Variants in PXDNL observed in about 807,000 individuals in gnomAD.
PXDNL encodes the protein probable oxidoreductase PXDNL.
In PXDNL, 145 loss-of-function variants were observed where a neutral mutation model predicts 150.8. That is an observed-to-expected ratio of 0.96 (90% CI 0.84 to 1.10). The LOEUF is 1.10. Ranked by LOEUF, PXDNL falls within the 50% of genes least tolerant of loss-of-function variation. PXDNL has a pLI of 0.00. For synonymous variants in PXDNL, 757 were observed against 725.7 expected, an observed-to-expected ratio of 1.04 and a Z score of -0.69; for missense variants, 2,087 against 1,873.9, an observed-to-expected ratio of 1.11 and a Z score of -2.10.
intron 8 of PXDNL, among the ~76,000 whole-genome samples, chr8:51,469,739 C>T (rs184925973): frequency 5.3e-4 from 81 of 152,202 alleles, no homozygotes; most frequent in Non-Finnish European, 8.8e-4. Context: ...CTATACCACA[C>T]TTTATGCTCC....
chr8:51,646,929 G>C (rs1814932440), intron 2 of PXDNL, among the ~76,000 whole-genome samples: 1 of 152,114 alleles, frequency 6.6e-6, no homozygotes, highest in South Asian at 2.1e-4. Context: ...CAGTGCAGCA[G>C]GAGTGGAGAG....
Position 51,598,108 on chromosome 8 carries a change from C to A in PXDNL, c.237-5410G>T, listed in dbSNP as rs539953198. ...TTGTATGTTTATTTTGTATCCTGAA[C>A]TTTGTTATCAGTTCCAGAAGGTTTA... On this transcript the variant is annotated intron_variant, in intron 2 of 22. Transcript: ENST00000356297. 2.0e-5 allele frequency among the ~76,000 whole-genome samples: 3 copies of A among 152,210 alleles called. No homozygotes were observed. The South Asian group carries it at 6.2e-4, about 32-fold the overall frequency.
At chr8:51,387,698 G>A (rs187998074) in intron 17 of PXDNL, among the ~76,000 whole-genome samples, 78 of 152,132 alleles carry the variant, frequency 5.1e-4, no homozygotes, top group Admixed American at 7.9e-4. Context: ...TGAATATTAC[G>A]GTAAAAAGAT....
chr8:51,602,351 T>C (rs1326083097), intron 2 of PXDNL, among the ~76,000 whole-genome samples: 2 of 152,078 alleles, frequency 1.3e-5, no homozygotes, highest in African/African-American at 4.8e-5. Context: ...TAATCCCATA[T>C]TTCTTAAAGA....
intron 3 of PXDNL, among the ~76,000 whole-genome samples, chr8:51,564,551 C>T (rs949895580): frequency 6.6e-6 from 1 of 151,256 alleles, no homozygotes; most frequent in Non-Finnish European, 1.5e-5. Context: ...ACACTGGTGC[C>T]TACTTGGACA....
At chr8:51,488,389 A>G (rs1810815388) in intron 5 of PXDNL, among the ~76,000 whole-genome samples, 1 of 152,194 alleles carries the variant, frequency 6.6e-6, no homozygotes, top group Non-Finnish European at 1.5e-5. Context: ...GTGAGATTGC[A>G]AACAAGGGTT....
intron 3 of PXDNL, among the ~76,000 whole-genome samples, chr8:51,565,187 C>T (rs1423848487): frequency 6.6e-6 from 1 of 151,546 alleles, no homozygotes; most frequent in African/African-American, 2.4e-5. Flanking sequence ...TGTGGGAGGT[C>T]GTAGCTAAAA....
chr8:51,551,424 T>C (rs199805950), intron 4 of PXDNL, among the ~76,000 whole-genome samples: 89 of 152,198 alleles, frequency 5.8e-4, no homozygotes, highest in African/African-American at 2.0e-3. Flanking sequence ...CTATAAACTA[T>C]ACTACAAGGC....
At position 51,694,370 on chromosome 8, in the gene PXDNL, CAA is replaced by C. The variant is rs35032602; in HGVS notation, c.165-39612_165-39611del. Among the ~76,000 whole-genome samples the C allele has an allele frequency of 7.1e-4, 107 of 150,110 alleles. 1 individual carries two copies. The highest frequency in any genetic ancestry group is 2.2e-3 in the African/African-American group (89 of 40,928). On this transcript the variant is annotated intron_variant, in intron 1 of 22. Transcript: ENST00000356297. ...AGAGCGAGACTCCGTCTCAAACAAA[CAA>C]AAAAAAAAAGGGTTTCACTAATAAC...
chr8:51,786,212 C>A (rs1256555839), intron 1 of PXDNL, among the ~76,000 whole-genome samples: 10 of 151,994 alleles, frequency 6.6e-5, no homozygotes, highest in Admixed American at 4.6e-4. Context: ...TTTAAGAAAA[C>A]AATTTTTTTT....
At chr8:51,444,192 T>A (rs1418749051) in intron 12 of PXDNL, among the ~76,000 whole-genome samples, 1 of 152,220 alleles carries the variant, frequency 6.6e-6, no homozygotes, top group Admixed American at 6.5e-5. Context: ...GATATACTCC[T>A]ACCATTTGGC....
chr8:51,710,830 A>T (rs1382949538), intron 1 of PXDNL, among the ~76,000 whole-genome samples: 1 of 152,242 alleles, frequency 6.6e-6, no homozygotes, highest in Non-Finnish European at 1.5e-5. Context: ...ACATCTTTTT[A>T]TAATAAAAAC....
intron 1 of PXDNL, among the ~76,000 whole-genome samples, chr8:51,768,259 GTT>G (rs35755307): frequency 4.9e-5 from 7 of 141,922 alleles, no homozygotes; most frequent in Admixed American, 2.8e-4. Flanking sequence ...TTTTATCAGT[GTT>G]TTTTTTTTTT....
chr8:51,428,282 T>G (rs1006942787), intron 12 of PXDNL, among the ~76,000 whole-genome samples: 29 of 150,904 alleles, frequency 1.9e-4, no homozygotes, highest in African/African-American at 7.1e-4. Flanking sequence ...AAGATGTCAT[T>G]TCTTTACAAA....
At chr8:51,379,198 C>T (rs1763474276) in intron 17 of PXDNL, among the ~76,000 whole-genome samples, 7 of 152,118 alleles carry the variant, frequency 4.6e-5, no homozygotes, top group Admixed American at 4.6e-4. Context: ...TTCAAACTTG[C>T]CATTGAAACT....
rs1808564799 is a variant in PXDNL, at chr8:51,409,524, G to T, written c.2100C>A (p.Leu700=). Reference sequence around the variant, plus strand: ...ATCCAGATAAATTGGCGATGAGGCTGAGGGAGCGCGGGGACACCAAGTCAT... The same window carrying T: ...ATCCAGATAAATTGGCGATGAGGCTTAGGGAGCGCGGGGACACCAAGTCAT... The part of the protein sequence containing the change: ...RYNDLVSPRS[L]SLIANLSGCT... Residue 700 remains leucine (L), a synonymous_variant, in exon 17 of 23, where the codon CTC becomes CTA. Coordinates refer to ENST00000356297, the MANE Select transcript of PXDNL (RefSeq NM_144651.5). 6.2e-7 allele frequency: 1 copy of T among 1,606,870 alleles called. No individual in the cohort carries two copies.
chr8:51,528,068 G>A (rs899289419), intron 4 of PXDNL, among the ~76,000 whole-genome samples: 11 of 151,942 alleles, frequency 7.2e-5, no homozygotes, highest in African/African-American at 2.7e-4. Flanking sequence ...TTAATCAGAG[G>A]GCCATTGCAA....
intron 1 of PXDNL, among the ~76,000 whole-genome samples, chr8:51,737,179 T>C (rs1817055164): frequency 6.6e-6 from 1 of 152,214 alleles, no homozygotes; most frequent in Non-Finnish European, 1.5e-5. Context: ...CTTACCACAT[T>C]TCTCTCATTT....
At chr8:51,533,657 T>TG (rs1811965680) in intron 4 of PXDNL, among the ~76,000 whole-genome samples, 1 of 129,450 alleles carries the variant, frequency 7.7e-6, no homozygotes, top group Non-Finnish European at 1.6e-5. Flanking sequence ...CTGGTTTTCG[T>TG]TTTTTTTTTG....
Sources: gnomAD v4.1 joint callset for allele counts (sites outside exome capture counted in the v4.1 genomes callset) on GRCh38, gnomAD v4.1.1 for gene constraint, MANE v1.5 for transcripts, NCBI Gene and HGNC (gene_info 2026-07-23, HGNC 2026-07-21) for gene names.